The following EPN1 variants were observed in gnomAD, a reference collection of about 807,000 sequenced individuals.
EPN1 encodes epsin-1.
EPN1 carries 25 observed loss-of-function variants against 56.9 expected under a neutral mutation model. The observed-to-expected ratio is 0.44, with a 90% confidence interval of 0.32 to 0.61. EPN1 has a LOEUF of 0.61. Among genes scored for constraint, EPN1 ranks in the 20% least tolerant of loss-of-function variants. The probability of loss-of-function intolerance (pLI) is 0.05; values close to 1 mark genes in which losing one functional copy is unlikely to be tolerated. For synonymous variants in EPN1, 411 were observed against 361.8 expected, an observed-to-expected ratio of 1.14 and a Z score of -1.54; for missense variants, 785 against 823.7, an observed-to-expected ratio of 0.95 and a Z score of 0.58.
intron 3 of EPN1, 87 bp from the exon 4 acceptor site, chr19:55,688,783 A>C (rs574293442): frequency 6.5e-7 from 1 of 1,532,174 alleles, no homozygotes; most frequent in South Asian, 1.2e-5. Flanking sequence ...GGGGTTGGAC[A>C]CAGAAGCCCC....
chr19:55,677,489 C>T (rs976060242), intron 1 of EPN1: 51 of 958,640 alleles, frequency 5.3e-5, no homozygotes, highest in African/African-American at 2.8e-4. Flanking sequence ...AGGTGGGCCT[C>T]GGGTTGAGTC....
chr19:55,688,934 C>T lies in EPN1; in HGVS notation c.543C>T (p.Ser181=), dbSNP rs771152381. Residue 181 remains serine (S), a synonymous_variant, in exon 4 of 11, where the codon AGC becomes AGT. Transcript: ENST00000270460. Reference sequence around the variant, plus strand: ...CGGAGCAGGCGTGGCCGCAGAGCAGCGGGGAGGAGGAGCTGCAGCTCCAGC... The same window carrying T: ...CGGAGCAGGCGTGGCCGCAGAGCAGTGGGGAGGAGGAGCTGCAGCTCCAGC... ...PEAEQAWPQS[S]GEEELQLQLA... The T allele has an allele frequency of 7.1e-5, 113 of 1,595,676 alleles. No homozygotes were observed. Among genetic ancestry groups the T allele is most frequent in the Non-Finnish European group, 9.3e-5 (109 of 1,173,098 alleles).
rs1324130880 is a variant in EPN1 at position 55,689,511 on chromosome 19, A to G, written c.678+140A>G. 4.5e-6 allele frequency: 3 copies of G among 671,062 alleles called. No individual in the cohort carries two copies. In the African/African-American group the frequency reaches 5.4e-5, roughly 12 times the overall value. The allele number at this position is 671,062 out of a possible 1,614,324, so 41.6% of individuals were successfully genotyped here. On this transcript the variant is annotated intron_variant, in intron 5 of 10. Transcript: ENST00000270460. The surrounding 1 kb of genome is among the most constrained non-coding windows in gnomAD (Gnocchi z 5.7). ...CGCGTGTTGAAACCTCAGTACCTTC[A>G]GCCGTAGGATGTAGGACCACAAGTC... is the stretch of plus-strand genomic sequence containing the variant.
At position 55,704,299 on chromosome 19, in the gene EPN1, T is replaced by C. The variant is rs1251289602; in HGVS notation, c.*8943T>C. ...TCCTGAAAGCTCTATGTTGAAACCC[T>C]ACCCCCCACCCTGCACCGACCCCGT... is the stretch of plus-strand genomic sequence containing the variant. On this transcript the variant is annotated 3_prime_UTR_variant, in exon 11 of 11. Coordinates refer to ENST00000270460, the MANE Select transcript of EPN1 (RefSeq NM_001130072.2). The C allele has an allele frequency of 6.6e-6, 1 of 152,030 alleles. No individual in the cohort carries two copies. The highest frequency in any genetic ancestry group is 2.4e-5 in the African/African-American group (1 of 41,392). The allele number at this position is 152,030 out of a possible 1,614,324, so 9.4% of individuals were successfully genotyped here.
rs1213815322 is a variant in EPN1, at chr19:55,706,235, C to CTTTCT, written c.*10881_*10882insTCTTT. On this transcript the variant is annotated 3_prime_UTR_variant, in exon 11 of 11. Transcript: ENST00000270460. ...TTTCTTTCTTCCTTTCCTCCTCTTTCTTCTCCTTTTTCCTCCTCTTTTCTT... is the reference window on the plus strand; with the variant it reads ...TTTCTTTCTTCCTTTCCTCCTCTTTCTTTCTTTCTCCTTTTTCCTCCTCTTTTCTT... 3 of 150,532 alleles carry CTTTCT rather than the reference C, an allele frequency of 2.0e-5. No individual in the cohort carries two copies. The highest frequency in any genetic ancestry group is 7.6e-5 in the African/African-American group (3 of 39,382). 9.3% of individuals were successfully genotyped at this position (150,532 alleles called of 1,614,324 possible).
rs182845263 is a variant in EPN1, at chr19:55,694,575, C to T, written c.1265-151C>T. ...GACGTGAGGTTTTGGCCTGGGCAAG[C>T]GATGCTTCCGCTCTGCACCTCAGTT... On this transcript the variant is annotated intron_variant, in intron 9 of 10. Transcript: ENST00000270460. The surrounding 1 kb of genome is among the most constrained non-coding windows in gnomAD (Gnocchi z 4.2). 4.3e-4 allele frequency: 415 copies of T among 964,084 alleles called. 1 individual carries two copies. The African/African-American group carries it at 6.3e-3, about 15-fold the overall frequency. 59.7% of individuals were successfully genotyped at this position (964,084 alleles called of 1,614,324 possible).
At position 55,708,883 on chromosome 19, in the gene EPN1, G is replaced by T; in HGVS notation, c.*13527G>T. ...CCCACTGTGGCCAAGGAAAGCCTTT[G>T]TGAGACGACTACTTCAGGGTGTTCC... On this transcript the variant is annotated 3_prime_UTR_variant, in exon 11 of 11. Coordinates refer to ENST00000270460, the MANE Select transcript of EPN1 (RefSeq NM_001130072.2). 8.0e-6 allele frequency: 12 copies of T among 1,495,820 alleles called. No homozygotes were observed. Among genetic ancestry groups the T allele is most frequent in the Non-Finnish European group, 1.1e-5 (12 of 1,125,842 alleles). The allele number at this position is 1,495,820 out of a possible 1,614,324, so 92.7% of individuals were successfully genotyped here.
Position 55,708,851 on chromosome 19 carries a change from T to C in EPN1, c.*13495T>C. ...GCAATTACAGGATAGAGGTGCCAGG[T>C]GAAGGTCCCACTGTGGCCAAGGAAA... On this transcript the variant is annotated 3_prime_UTR_variant, in exon 11 of 11. Coordinates refer to ENST00000270460, the MANE Select transcript of EPN1 (RefSeq NM_001130072.2). The C allele has an allele frequency of 2.3e-6, 3 of 1,278,300 alleles. No individual in the cohort carries two copies. The highest frequency in any genetic ancestry group is 3.2e-6 in the Non-Finnish European group (3 of 944,054). 79.2% of individuals were successfully genotyped at this position (1,278,300 alleles called of 1,614,324 possible).
chr19:55,694,570 G>A lies in EPN1; in HGVS notation c.1265-156G>A. 1 of 911,076 alleles carries A rather than the reference G, an allele frequency of 1.1e-6. No homozygotes were observed. The highest frequency in any genetic ancestry group is 1.5e-6 in the Non-Finnish European group (1 of 650,482). The allele number at this position is 911,076 out of a possible 1,614,324, so 56.4% of individuals were successfully genotyped here. ...GGGCTGACGTGAGGTTTTGGCCTGG[G>A]CAAGCGATGCTTCCGCTCTGCACCT... On this transcript the variant is annotated intron_variant, in intron 9 of 10. Coordinates refer to ENST00000270460, the MANE Select transcript of EPN1 (RefSeq NM_001130072.2). The surrounding 1 kb of genome is among the most constrained non-coding windows in gnomAD (Gnocchi z 4.2).
rs1363699212 is a variant in EPN1 at position 55,704,378 on chromosome 19, T to A, written c.*9022T>A. The A allele has an allele frequency of 1.3e-5, 2 of 152,236 alleles. No homozygotes were observed. The highest frequency in any genetic ancestry group is 4.8e-5 in the African/African-American group (2 of 41,428). The allele number at this position is 152,236 out of a possible 1,614,324, so 9.4% of individuals were successfully genotyped here. On this transcript the variant is annotated 3_prime_UTR_variant, in exon 11 of 11. Coordinates refer to ENST00000270460, the MANE Select transcript of EPN1 (RefSeq NM_001130072.2). ...AGGGCCTTTACAAGGTAAGTAAGGT[T>A]AAAATGAGGACATTAGGGTGGGTCC... is the stretch of plus-strand genomic sequence containing the variant.
In EPN1 at chr19:55,698,008, CAG is replaced by C. The variant is rs1986976213; in HGVS notation, c.*2653_*2654del. 1 of 151,630 alleles carries C rather than the reference CAG, an allele frequency of 6.6e-6. No individual in the cohort carries two copies. Among genetic ancestry groups the C allele is most frequent in the Non-Finnish European group, 1.5e-5 (1 of 68,022 alleles). 9.4% of individuals were successfully genotyped at this position (151,630 alleles called of 1,614,324 possible). ...ATGGAAAATCACTAAGAGCAAACCTCAGGGGTCCGGGGGTTTTCGGCTAAACC... is the reference window on the plus strand; with the variant it reads ...ATGGAAAATCACTAAGAGCAAACCTCGGGTCCGGGGGTTTTCGGCTAAACC... On this transcript the variant is annotated 3_prime_UTR_variant, in exon 11 of 11. Coordinates refer to ENST00000270460, the MANE Select transcript of EPN1 (RefSeq NM_001130072.2).
At position 55,705,773 on chromosome 19, in the gene EPN1, TACTG is replaced by T. The variant is rs897049269; in HGVS notation, c.*10420_*10423del. ...ATAAGGTCAGGTTCTTCAACAGTCA[TACTG>T]ACATTGTGGCTGGAATATTTGTTGT... On this transcript the variant is annotated 3_prime_UTR_variant, in exon 11 of 11. Transcript: ENST00000270460. 1 of 147,644 alleles carries T rather than the reference TACTG, an allele frequency of 6.8e-6. No homozygotes were observed. Among genetic ancestry groups the T allele is most frequent in the Non-Finnish European group, 1.5e-5 (1 of 66,352 alleles). The allele number at this position is 147,644 out of a possible 1,614,324, so 9.1% of individuals were successfully genotyped here.
Position 55,688,931 on chromosome 19 carries a change from C to T in EPN1, c.540C>T (p.Ser180=), listed in dbSNP as rs1431574954. The change falls in exon 4 of 11, where the codon AGC becomes AGT. Residue 180 remains serine (S), a synonymous_variant. Coordinates refer to ENST00000270460, the MANE Select transcript of EPN1 (RefSeq NM_001130072.2). ...PPEAEQAWPQ[S]SGEEELQLQL... is the part of the protein sequence containing the mutation. ...AGGCGGAGCAGGCGTGGCCGCAGAG[C>T]AGCGGGGAGGAGGAGCTGCAGCTCC... is the stretch of plus-strand genomic sequence containing the variant. The T allele has an allele frequency of 1.3e-6, 2 of 1,594,848 alleles. No individual in the cohort carries two copies. Among genetic ancestry groups the T allele is most frequent in the Admixed American group, 1.7e-5 (1 of 57,468 alleles).
In EPN1 at chr19:55,689,368, T is replaced by C; in HGVS notation, c.675T>C (p.Asp225=). ...LALSLSREEH[D]KEERIRRGDD... is the part of the protein sequence containing the mutation. ...TTAGTTTGAGCCGAGAAGAGCATGA[T>C]AAGGTCAGAGCAGCCTCCCTGTCCC... Residue 225 remains aspartate, a synonymous_variant, in exon 5 of 11, where the codon GAT becomes GAC. Transcript: ENST00000270460. The surrounding 1 kb of genome is among the most constrained non-coding windows in gnomAD (Gnocchi z 5.7). 6.4e-7 allele frequency: 1 copy of C among 1,551,576 alleles called. No individual in the cohort carries two copies. The highest frequency in any genetic ancestry group is 8.7e-7 in the Non-Finnish European group (1 of 1,146,900).
intron 1 of EPN1, chr19:55,677,764 A>G: frequency 6.7e-7 from 1 of 1,499,794 alleles, no homozygotes; most frequent in South Asian, 1.3e-5. Context: ...CTCTGTCTTT[A>G]ATCCCTTCAT....
intron 3 of EPN1, among the ~76,000 whole-genome samples, chr19:55,686,860 AG>A (rs1986204567): frequency 6.6e-6 from 1 of 151,178 alleles, no homozygotes. Context: ...GGACATTGGC[AG>A]TAGCTCGGAG....
Position 55,695,266 on chromosome 19 carries a change from G to C in EPN1, c.1641G>C (p.Thr547=), listed in dbSNP as rs367985905. ...CTCCCGTCCCTGGAGCGCCACCCAC[G>C]TACATCTCTCCCCTTGGCGGGGGCC... ...PVPPVPGAPP[T]YISPLGGGPG... is the part of the protein sequence containing the mutation. The change falls in exon 11 of 11, where the codon ACG becomes ACC. Residue 547 remains threonine (T), a synonymous_variant. Transcript: ENST00000270460. The surrounding 1 kb of genome is among the most constrained non-coding windows in gnomAD (Gnocchi z 4.4). 1.2e-6 allele frequency: 2 copies of C among 1,607,894 alleles called. No individual in the cohort carries two copies. The highest frequency in any genetic ancestry group is 3.4e-5 in the Admixed American group (2 of 59,526).
intron 1 of EPN1, chr19:55,677,243 G>T: frequency 7.7e-7 from 1 of 1,292,684 alleles, no homozygotes; most frequent in Non-Finnish European, 1.1e-6. Flanking sequence ...GCAAGGGGCT[G>T]AACCTCTGTG....
At chr19:55,690,549 C>T (rs1053100982) in intron 6 of EPN1, among the ~76,000 whole-genome samples, 7 of 152,226 alleles carry the variant, frequency 4.6e-5, no homozygotes, top group African/African-American at 1.2e-4. Context: ...CCTCTGGGCC[C>T]GGGGTGTCCG....
Sources: gnomAD v4.1 joint callset for allele counts (sites outside exome capture counted in the v4.1 genomes callset) on GRCh38, gnomAD v4.1.1 for gene constraint, Gnocchi (gnomAD v3.1) non-coding constraint, MANE v1.5 for transcripts, NCBI Gene and HGNC (gene_info 2026-07-23, HGNC 2026-07-21) for gene names.